B3GALT1: variants seen among roughly 807,000 people sequenced by gnomAD.
B3GALT1 encodes beta-1,3-galactosyltransferase 1, also known as UDP-Gal:betaGlcNAc beta 1,3-galactosyltransferase, polypeptide 1.
In B3GALT1, 10 loss-of-function variants were observed where a neutral mutation model predicts 23.2. That is an observed-to-expected ratio of 0.43 (90% CI 0.27 to 0.73). The LOEUF (loss-of-function observed/expected upper bound fraction) is 0.73. Ranked by LOEUF, B3GALT1 falls within the 30% of genes least tolerant of loss-of-function variation. The probability of loss-of-function intolerance (pLI) is 0.21; values close to 1 mark genes in which losing one functional copy is unlikely to be tolerated. For missense variants in B3GALT1, 299 were observed against 405.4 expected, an observed-to-expected ratio of 0.74 and a Z score of 2.25; for synonymous variants, 156 against 141.5, an observed-to-expected ratio of 1.10 and a Z score of -0.73.
intron 2 of B3GALT1, among the ~76,000 whole-genome samples, chr2:167,500,240 C>T (rs548834170): frequency 6.6e-6 from 1 of 152,156 alleles, no homozygotes; most frequent in Admixed American, 6.5e-5. Flanking sequence ...AAATTGAAAA[C>T]CAGATGGGCT....
At chr2:167,803,201 A>G (rs1028597069) in intron 3 of B3GALT1, among the ~76,000 whole-genome samples, 3 of 152,064 alleles carry the variant, frequency 2.0e-5, no homozygotes, top group African/African-American at 7.2e-5. Context: ...GCCAATCCTT[A>G]AAAAAATTGT....
At chr2:167,583,957 A>G (rs1376232428) in intron 2 of B3GALT1, among the ~76,000 whole-genome samples, 1 of 150,426 alleles carries the variant, frequency 6.6e-6, no homozygotes, top group Admixed American at 6.6e-5. Context: ...ATGTCTAGAC[A>G]TATATACCAA....
chr2:167,753,383 C>G (rs1574245525), intron 3 of B3GALT1, among the ~76,000 whole-genome samples: 1 of 152,186 alleles, frequency 6.6e-6, no homozygotes, highest in African/African-American at 2.4e-5. Context: ...GCAGGTGAAA[C>G]CCAAGCACAC....
At chr2:167,440,344 G>GAA (rs745706207) in intron 1 of B3GALT1, among the ~76,000 whole-genome samples, 11 of 70,086 alleles carry the variant, frequency 1.6e-4, no homozygotes, top group African/African-American at 2.3e-4. Flanking sequence ...GACTCTGTCT[G>GAA]AAAAAAAAAA....
Position 167,727,008 on chromosome 2 carries a change from A to G in B3GALT1, c.-352+80042A>G, listed in dbSNP as rs181619536. 1.7e-4 allele frequency among the ~76,000 whole-genome samples: 26 copies of G among 152,202 alleles called. 1 individual carries two copies. The highest frequency in any genetic ancestry group is 6.5e-4 in the Admixed American group (10 of 15,288). ...CAGGTGTAAAGCTATGTCATGAAAA[A>G]CCTTTGACCCCTTTCTTTGTCCCAG... On this transcript the variant is annotated intron_variant, in intron 3 of 4. Transcript: ENST00000392690.
chr2:167,733,419 AT>A (rs11326575), intron 3 of B3GALT1, among the ~76,000 whole-genome samples: 24,834 of 147,446 alleles, frequency 0.17, 2,271 homozygotes, highest in East Asian at 0.3. Context: ...TTTTATTGAG[AT>A]TTTTTTTTTT....
rs532478535 is a variant in B3GALT1, at chr2:167,314,681, A to AT, written c.-511+21355dup. ...AATAAGACACATTTTATGTGGACAC[A>AT]TTTTTTTTCTGAGTGTGATAAGGCT... is the stretch of plus-strand genomic sequence containing the variant. On this transcript the variant is annotated intron_variant, in intron 1 of 4. Transcript: ENST00000392690. 3.7e-3 allele frequency among the ~76,000 whole-genome samples: 565 copies of AT among 151,736 alleles called. 6 individuals are homozygous for AT. The highest frequency in any genetic ancestry group is 0.013 in the African/African-American group (538 of 41,244).
intron 1 of B3GALT1, among the ~76,000 whole-genome samples, chr2:167,304,673 GAGAC>G (rs972307046): frequency 9.2e-5 from 14 of 151,492 alleles, no homozygotes; most frequent in African/African-American, 2.9e-4. Flanking sequence ...CAGAGACAGA[GAGAC>G]AGAAAGAGGG....
chr2:167,697,561 T>A (rs2105506724), intron 3 of B3GALT1, among the ~76,000 whole-genome samples: 1 of 152,304 alleles, frequency 6.6e-6, no homozygotes, highest in Non-Finnish European at 1.5e-5. Flanking sequence ...GAGTCCTAGT[T>A]TATGTGCCTG....
intron 3 of B3GALT1, among the ~76,000 whole-genome samples, chr2:167,767,050 G>A (rs1228006560): frequency 2.0e-5 from 3 of 152,132 alleles, no homozygotes; most frequent in Non-Finnish European, 2.9e-5. Context: ...CAGTGCTTCA[G>A]GATCTTGATC....
At chr2:167,702,116 T>C (rs559453408) in intron 3 of B3GALT1, among the ~76,000 whole-genome samples, 2 of 152,328 alleles carry the variant, frequency 1.3e-5, no homozygotes, top group East Asian at 3.9e-4. Flanking sequence ...TATCTCTGTG[T>C]GATGCAGTCC....
chr2:167,329,189 A>T (rs1271316552), intron 1 of B3GALT1, among the ~76,000 whole-genome samples: 1 of 152,182 alleles, frequency 6.6e-6, no homozygotes, highest in Non-Finnish European at 1.5e-5. Context: ...TCTACCCTAC[A>T]GGTTTTGGTA....
At chr2:167,300,479 G>C (rs748960107) in intron 1 of B3GALT1, among the ~76,000 whole-genome samples, 4 of 152,150 alleles carry the variant, frequency 2.6e-5, no homozygotes, top group Non-Finnish European at 5.9e-5. Flanking sequence ...TAACAAGTAG[G>C]TTATAACAGC....
chr2:167,316,460 C>T (rs1696720408), intron 1 of B3GALT1, among the ~76,000 whole-genome samples: 1 of 151,888 alleles, frequency 6.6e-6, no homozygotes, highest in Non-Finnish European at 1.5e-5. Flanking sequence ...TGGTATCTAC[C>T]CCTTCTAAAA....
At chr2:167,597,163 T>C (rs1234573840) in intron 2 of B3GALT1, among the ~76,000 whole-genome samples, 1 of 151,028 alleles carries the variant, frequency 6.6e-6, no homozygotes, top group Non-Finnish European at 1.5e-5. Context: ...TCGCCCAGGC[T>C]GGAGTGCAGT....
At chr2:167,633,187 C>G (rs1200377538) in intron 2 of B3GALT1, among the ~76,000 whole-genome samples, 1 of 151,880 alleles carries the variant, frequency 6.6e-6, no homozygotes, top group Non-Finnish European at 1.5e-5. Flanking sequence ...ATACAGAGAA[C>G]ACCACAAAGA....
chr2:167,315,682 T>A (rs929842374), intron 1 of B3GALT1, among the ~76,000 whole-genome samples: 1 of 152,178 alleles, frequency 6.6e-6, no homozygotes, highest in African/African-American at 2.4e-5. Context: ...CCAAGTACAG[T>A]GCCATTTAAC....
At chr2:167,394,635 A>G (rs1698067783) in intron 1 of B3GALT1, among the ~76,000 whole-genome samples, 1 of 151,990 alleles carries the variant, frequency 6.6e-6, no homozygotes. Flanking sequence ...TATTTTCCAT[A>G]TTTCGTAACT....
At chr2:167,411,378 C>CAAA (rs60719828) in intron 1 of B3GALT1, among the ~76,000 whole-genome samples, 41 of 136,512 alleles carry the variant, frequency 3.0e-4, no homozygotes, top group African/African-American at 1.0e-3. Flanking sequence ...AACAAAAAAC[C>CAAA]AAAAAAAAAA....
Sources: gnomAD v4.1 joint callset for allele counts (sites outside exome capture counted in the v4.1 genomes callset) on GRCh38, gnomAD v4.1.1 for gene constraint, MANE v1.5 for transcripts, NCBI Gene and HGNC (gene_info 2026-07-23, HGNC 2026-07-21) for gene names.